The following EXOSC8 variants were observed in gnomAD, a reference collection of about 807,000 sequenced individuals.
EXOSC8 encodes the protein exosome component 8.
EXOSC8 carries 37 observed loss-of-function variants against 39.9 expected under a neutral mutation model. The ratio of observed to expected loss-of-function variants is 0.93; its 90% CI spans 0.71 to 1.22. The LOEUF (loss-of-function observed/expected upper bound fraction) is 1.22. Among genes scored for constraint, EXOSC8 ranks in the 50% most tolerant of loss-of-function variants. The pLI, the probability that EXOSC8 is intolerant of heterozygous loss-of-function variation, is 0.00. For synonymous variants in EXOSC8, 93 were observed against 109.5 expected (o/e 0.85, Z 0.94); for missense variants, 313 against 326.6 (o/e 0.96, Z 0.32).
At position 37,008,162 on chromosome 13, in the gene EXOSC8, T is replaced by C. The variant is rs754724110; in HGVS notation, c.593T>C (p.Phe198Ser). ...AGAACTCATCCAGTTGCAACTTCCT[T>C]TGCTGTGTTTGATGAGTAAGTTAAT... ...NIRTHPVATS[F>S]AVFDDTLLIV... The change falls in exon 9 of 11, where the codon TTT becomes TCT. Residue 198 changes from phenylalanine to serine, a missense_variant. Physicochemically the swap from Phe to Ser is radical, Grantham distance 155. Coordinates refer to ENST00000389704, the MANE Select transcript of EXOSC8 (RefSeq NM_181503.3). 1 of 1,597,090 alleles carries C rather than the reference T, an allele frequency of 6.3e-7. No individual in the cohort carries two copies. Among genetic ancestry groups the C allele is most frequent in the South Asian group, 1.1e-5 (1 of 87,652 alleles).
At chr13:37,003,069 T>TA in intron 4 of EXOSC8, 62 bp downstream of exon 4, 1 of 964,168 alleles carries the variant, frequency 1.0e-6, no homozygotes, top group Non-Finnish European at 1.7e-6. Flanking sequence ...TATTAGATTG[T>TA]AATATACACC....
intron 8 of EXOSC8, 46 bp from the exon 9 acceptor site, chr13:37,008,009 ATT>A (rs1177166972): frequency 2.8e-6 from 4 of 1,408,944 alleles, no homozygotes; most frequent in Non-Finnish European, 3.9e-6. Flanking sequence ...CTTAGAAATC[ATT>A]TGTTTCTTAG....
At position 37,009,559 on chromosome 13, in the gene EXOSC8, A is replaced by T; in HGVS notation, c.*260A>T. The T allele has an allele frequency of 1.6e-6, 2 of 1,233,990 alleles. No individual in the cohort carries two copies. Among genetic ancestry groups the T allele is most frequent in the Non-Finnish European group, 2.4e-6 (2 of 845,128 alleles). The allele number at this position is 1,233,990 out of a possible 1,614,324, so 76.4% of individuals were successfully genotyped here. On this transcript the variant is annotated 3_prime_UTR_variant, in exon 11 of 11. Coordinates refer to ENST00000389704, the MANE Select transcript of EXOSC8 (RefSeq NM_181503.3). Reference sequence around the variant, plus strand: ...GGTTGTGCTTCTGTATAAAGTTTGTACATCTAGCAATGTAAAATACTGACA... The same window carrying T: ...GGTTGTGCTTCTGTATAAAGTTTGTTCATCTAGCAATGTAAAATACTGACA...
chr13:37,009,307 C>T lies in EXOSC8; in HGVS notation c.*8C>T, dbSNP rs570100301. On this transcript the variant is annotated 3_prime_UTR_variant, in exon 11 of 11. Transcript: ENST00000389704. ...AGTATGAAACCCAAATAAACAGCCA[C>T]CACATTTTCAAAACAGATTTGTAAA... The T allele has an allele frequency of 2.7e-6, 4 of 1,465,378 alleles. No individual in the cohort carries two copies. In the East Asian group the frequency reaches 9.1e-5, roughly 33 times the overall value. 90.8% of individuals were successfully genotyped at this position (1,465,378 alleles called of 1,614,324 possible).
At chr13:37,005,608 C>A (rs1056872991) in intron 5 of EXOSC8, among the ~76,000 whole-genome samples, 15 of 152,042 alleles carry the variant, frequency 9.9e-5, no homozygotes, top group Non-Finnish European at 1.6e-4. Flanking sequence ...TGGCTCACAC[C>A]TGTAACCTCA....
In EXOSC8 at chr13:37,002,277, G is replaced by A. The variant is rs533406536; in HGVS notation, c.22G>A (p.Val8Met). 8.7e-6 allele frequency: 14 copies of A among 1,608,064 alleles called. No individual in the cohort carries two copies. In the African/African-American group the frequency reaches 1.7e-4, roughly 20 times the overall value. Residue 8 changes from valine (V) to methionine (M), a missense_variant, in exon 2 of 11, where the codon GTG becomes ATG. Coordinates refer to ENST00000389704, the MANE Select transcript of EXOSC8 (RefSeq NM_181503.3). The part of the protein sequence containing the change: MAAGFKT[V>M]EPLEYYRRFL... Reference sequence around the variant, plus strand: ...TATTTTTAACACGTGTTTCAGAACCGTGGAACCTCTGGAGTATTACAGGAG... The same window carrying A: ...TATTTTTAACACGTGTTTCAGAACCATGGAACCTCTGGAGTATTACAGGAG...
chr13:37,003,540 A>G (rs2059119728), intron 4 of EXOSC8: 1 of 152,684 alleles, frequency 6.5e-6, no homozygotes, highest in African/African-American at 2.4e-5. Context: ...CATAAGTAAA[A>G]CTTAGACATA....
At position 37,009,310 on chromosome 13, in the gene EXOSC8, C is replaced by A. The variant is rs2059203008; in HGVS notation, c.*11C>A. 1.4e-6 allele frequency: 2 copies of A among 1,444,118 alleles called. No homozygotes were observed. The highest frequency in any genetic ancestry group is 2.3e-5 in the East Asian group (1 of 44,070). 89.5% of individuals were successfully genotyped at this position (1,444,118 alleles called of 1,614,324 possible). A position where few individuals can be genotyped will look rare whatever the true frequency, so the allele number is the denominator to read the frequency against. The stretch of plus-strand genomic sequence containing the variant: ...ATGAAACCCAAATAAACAGCCACCA[C>A]ATTTTCAAAACAGATTTGTAAAAAT... On this transcript the variant is annotated 3_prime_UTR_variant, in exon 11 of 11. Transcript: ENST00000389704.
intron 8 of EXOSC8, among the ~76,000 whole-genome samples, 162 bp downstream of exon 8, chr13:37,007,233 A>G (rs1186567162): frequency 6.6e-6 from 1 of 152,214 alleles, no homozygotes; most frequent in Non-Finnish European, 1.5e-5. Context: ...CTCTAACTGA[A>G]TGCTCTTTAG....
rs367765614 is a variant in EXOSC8, at chr13:37,008,101, G to T, written c.532G>T (p.Glu178Ter). ...VTINEETALA[E>*]VNLKKKSYLN... ...TATAAATGAAGAAACTGCTTTAGCA[G>T]AAGTTAATTTAAAGAAGAAAAGTTA... The change falls in exon 9 of 11, where the codon GAA (glutamate) becomes TAA (stop). Residue 178 changes from glutamate to a stop codon, truncating the protein, a stop_gained. Coordinates refer to ENST00000389704, the MANE Select transcript of EXOSC8 (RefSeq NM_181503.3). LOFTEE classifies it high-confidence loss of function. The T allele has an allele frequency of 1.1e-5, 18 of 1,597,154 alleles. No homozygotes were observed. In the African/African-American group the frequency reaches 2.4e-4, roughly 22 times the overall value.
intron 5 of EXOSC8, among the ~76,000 whole-genome samples, chr13:37,005,285 G>A (rs979008868): frequency 2.6e-5 from 4 of 152,102 alleles, no homozygotes; most frequent in Admixed American, 2.6e-4. Context: ...AAAACAGTTG[G>A]ATGTTAGCAG....
chr13:37,009,350 C>A lies in EXOSC8; in HGVS notation c.*51C>A. The A allele has an allele frequency of 9.6e-7, 1 of 1,044,170 alleles. No homozygotes were observed. 64.7% of individuals were successfully genotyped at this position (1,044,170 alleles called of 1,614,324 possible). On this transcript the variant is annotated 3_prime_UTR_variant, in exon 11 of 11. Coordinates refer to ENST00000389704, the MANE Select transcript of EXOSC8 (RefSeq NM_181503.3). ...TTTGTAAAAATTGTATTTGTTAACACTGTGCACAAACGTTTTATACTAAAT... is the reference window on the plus strand; with the variant it reads ...TTTGTAAAAATTGTATTTGTTAACAATGTGCACAAACGTTTTATACTAAAT...
rs1305610805 is a variant in EXOSC8, at chr13:37,009,207, A to G, written c.739A>G (p.Lys247Glu). 1.2e-6 allele frequency: 2 copies of G among 1,611,216 alleles called. No individual in the cohort carries two copies. Among genetic ancestry groups the G allele is most frequent in the Admixed American group, 1.7e-5 (1 of 59,356 alleles). The stretch of plus-strand genomic sequence containing the variant: ...AGGTGGAAGTGGGCTAACTGGAGCT[A>G]AACTTCAGGACTGTATGAGCCGAGC... ...KPGGSGLTGA[K>E]LQDCMSRAVT... The change falls in exon 11 of 11, where the codon AAA becomes GAA. Residue 247 changes from lysine to glutamate, a missense_variant. By Grantham distance (56) the Lys-to-Glu change is moderately conservative. Transcript: ENST00000389704.
chr13:37,009,431 C>A lies in EXOSC8; in HGVS notation c.*132C>A. The A allele has an allele frequency of 1.4e-6, 1 of 736,840 alleles. No homozygotes were observed. Among genetic ancestry groups the A allele is most frequent in the South Asian group, 1.9e-5 (1 of 52,754 alleles). The allele number at this position is 736,840 out of a possible 1,614,324, so 45.6% of individuals were successfully genotyped here. ...TTTCTATTATTTCTTAGGTCACTTCCATATATATTATGTATAGTGAAACCA... is the reference window on the plus strand; with the variant it reads ...TTTCTATTATTTCTTAGGTCACTTCAATATATATTATGTATAGTGAAACCA... On this transcript the variant is annotated 3_prime_UTR_variant, in exon 11 of 11. Coordinates refer to ENST00000389704, the MANE Select transcript of EXOSC8 (RefSeq NM_181503.3).
intron 1 of EXOSC8, 96 bp from the exon 2 acceptor site, chr13:37,002,177 T>G (rs900765216): frequency 6.2e-5 from 53 of 860,850 alleles, no homozygotes; most frequent in Admixed American, 3.9e-4. Flanking sequence ...TGTGGAGATT[T>G]ATGCTGCATC....
Position 37,009,431 on chromosome 13 carries a change from C to CAT in EXOSC8, c.*139_*140dup. 2.7e-6 allele frequency: 2 copies of CAT among 736,840 alleles called. No homozygotes were observed. Among genetic ancestry groups the CAT allele is most frequent in the Non-Finnish European group, 2.2e-6 (1 of 445,878 alleles). The allele number at this position is 736,840 out of a possible 1,614,324, so 45.6% of individuals were successfully genotyped here. A position where few individuals can be genotyped will look rare whatever the true frequency, so the allele number is the denominator to read the frequency against. On this transcript the variant is annotated 3_prime_UTR_variant, in exon 11 of 11. Coordinates refer to ENST00000389704, the MANE Select transcript of EXOSC8 (RefSeq NM_181503.3). ...TTTCTATTATTTCTTAGGTCACTTC[C>CAT]ATATATATTATGTATAGTGAAACCA...
rs750353402 is a variant in EXOSC8 at position 37,002,966 on chromosome 13, G to C, written c.151G>C (p.Val51Leu). The C allele has an allele frequency of 3.1e-6, 5 of 1,610,770 alleles. No individual in the cohort carries two copies. Among genetic ancestry groups the C allele is most frequent in the African/African-American group, 2.7e-5 (2 of 74,834 alleles). Residue 51 changes from valine (V) to leucine (L), a missense_variant, in exon 4 of 11, where the codon GTG becomes CTG. Transcript: ENST00000389704. ...SISTADGSAL[V>L]KLGNTTVICG... is the part of the protein sequence containing the mutation. ...TAGTACCGCAGATGGTTCTGCTTTA[G>C]TGAAGTTGGGAAATACTACAGTAAT...
rs777127268 is a variant in EXOSC8, at chr13:37,009,234, G to T, written c.766G>T (p.Val256Phe). The T allele has an allele frequency of 8.1e-6, 13 of 1,613,706 alleles. No individual in the cohort carries two copies. Among genetic ancestry groups the T allele is most frequent in the Non-Finnish European group, 1.0e-5 (12 of 1,179,836 alleles). ...AKLQDCMSRAVTRHKEVKKLM... is the reference protein window; with the variant it reads ...AKLQDCMSRAFTRHKEVKKLM... ...ACTTCAGGACTGTATGAGCCGAGCAGTTACAAGACACAAAGAAGTTAAAAA... is the reference window on the plus strand; with the variant it reads ...ACTTCAGGACTGTATGAGCCGAGCATTTACAAGACACAAAGAAGTTAAAAA... The change falls in exon 11 of 11, where the codon GTT (valine) becomes TTT (phenylalanine). Residue 256 changes from valine (V) to phenylalanine (F), a missense_variant. Coordinates refer to ENST00000389704, the MANE Select transcript of EXOSC8 (RefSeq NM_181503.3).
intron 4 of EXOSC8, 55 bp from the exon 5 acceptor site, chr13:37,004,458 TGTC>T: frequency 1.6e-6 from 2 of 1,219,724 alleles, no homozygotes; most frequent in Non-Finnish European, 2.4e-6. Context: ...ATTGCTAAAT[TGTC>T]TTCATAATTT....
Sources: gnomAD v4.1 joint callset for allele counts (sites outside exome capture counted in the v4.1 genomes callset) on GRCh38, gnomAD v4.1.1 for gene constraint, MANE v1.5 for transcripts, NCBI Gene and HGNC (gene_info 2026-07-23, HGNC 2026-07-21) for gene names.